Variants in SOX6 observed in about 807,000 individuals in gnomAD.
The protein encoded by SOX6 is SRY-box transcription factor 6.
SOX6 carries 11 observed loss-of-function variants against 97.8 expected under a neutral mutation model. The ratio of observed to expected loss-of-function variants is 0.11; its 90% confidence interval spans 0.07 to 0.19. The LOEUF (loss-of-function observed/expected upper bound fraction) is 0.19. Ranked by LOEUF, SOX6 falls within the 10% of genes least tolerant of loss-of-function variation. SOX6 has a pLI of 1.00. For synonymous variants in SOX6, 360 were observed against 371.4 expected (o/e 0.97, Z 0.35); for missense variants, 810 against 1,039.5 (o/e 0.78, Z 3.04).
At chr11:16,583,848 A>G (rs1034867095) in intron 4 of SOX6, among the ~76,000 whole-genome samples, 1 of 151,816 alleles carries the variant, frequency 6.6e-6, no homozygotes, top group Admixed American at 6.6e-5. Flanking sequence ...ACTGTTTTCC[A>G]TAATGGCTGT....
chr11:16,306,801 T>C (rs1855454930), intron 3 of SOX6, among the ~76,000 whole-genome samples: 1 of 151,854 alleles, frequency 6.6e-6, no homozygotes, highest in Admixed American at 6.6e-5. Flanking sequence ...AATTTTTGTA[T>C]ATTTAGTAGA....
intron 6 of SOX6, among the ~76,000 whole-genome samples, chr11:16,168,222 C>G (rs1240492697): frequency 6.6e-6 from 1 of 152,034 alleles, no homozygotes; most frequent in African/African-American, 2.4e-5. Flanking sequence ...GTAAATTAGA[C>G]TAGAATTGGC....
At chr11:16,490,669 A>G (rs934035548) in intron 4 of SOX6, among the ~76,000 whole-genome samples, 3 of 152,106 alleles carry the variant, frequency 2.0e-5, no homozygotes, top group Non-Finnish European at 2.9e-5. Flanking sequence ...AACAGTTCTA[A>G]CTTTATATAA....
intron 5 of SOX6, among the ~76,000 whole-genome samples, chr11:16,184,551 A>C (rs1851421399): frequency 6.6e-6 from 1 of 152,168 alleles, no homozygotes; most frequent in African/African-American, 2.4e-5. Flanking sequence ...TTATCCATTT[A>C]TCCTTTTGAG....
intron 4 of SOX6, among the ~76,000 whole-genome samples, chr11:16,488,143 C>T (rs968489810): frequency 6.6e-6 from 1 of 152,106 alleles, no homozygotes; most frequent in Non-Finnish European, 1.5e-5. Flanking sequence ...ATCTAAGAGT[C>T]CCAATTCCTA....
intron 3 of SOX6, among the ~76,000 whole-genome samples, chr11:16,711,449 G>A (rs941232737): frequency 1.3e-5 from 2 of 152,140 alleles, no homozygotes; most frequent in Non-Finnish European, 2.9e-5. Context: ...CTTGAGCCTC[G>A]GAGGTGGAAG....
intron 8 of SOX6, 148 bp downstream of exon 8, chr11:16,097,461 A>G: frequency 1.4e-6 from 1 of 715,712 alleles, no homozygotes; most frequent in Non-Finnish European, 2.5e-6. Flanking sequence ...TTCTATTTGC[A>G]TTACGATAAG....
At chr11:16,125,421 A>G (rs1727926153) in intron 6 of SOX6, among the ~76,000 whole-genome samples, 1 of 152,120 alleles carries the variant, frequency 6.6e-6, no homozygotes, top group Admixed American at 6.6e-5. Flanking sequence ...ACTGTTCATA[A>G]AGATCATAAA....
At chr11:16,013,469 G>A (rs183068259) in intron 13 of SOX6, among the ~76,000 whole-genome samples, 95 of 152,024 alleles carry the variant, frequency 6.2e-4, no homozygotes, top group Non-Finnish European at 2.2e-4. Flanking sequence ...AACCCTTATC[G>A]GTGGAAAACC....
At chr11:16,461,225 C>T (rs966848375) in intron 1 of SOX6, among the ~76,000 whole-genome samples, 3 of 152,002 alleles carry the variant, frequency 2.0e-5, no homozygotes, top group African/African-American at 7.3e-5. Context: ...TAACATATAC[C>T]CTTACCAGTC....
chr11:16,089,328 A>C (rs945856304), intron 9 of SOX6, among the ~76,000 whole-genome samples: 1 of 152,152 alleles, frequency 6.6e-6, no homozygotes, highest in Non-Finnish European at 1.5e-5. Context: ...AATTTGACTC[A>C]AGATGACTCT....
Position 16,185,048 on chromosome 11 carries a change from T to C in SOX6, c.709-1094A>G, listed in dbSNP as rs1226917417. 1.3e-5 allele frequency among the ~76,000 whole-genome samples: 2 copies of C among 152,184 alleles called. 1 individual carries two copies. Among genetic ancestry groups the C allele is most frequent in the East Asian group, 3.9e-4 (2 of 5,192 alleles). On this transcript the variant is annotated intron_variant, in intron 5 of 15. Coordinates refer to ENST00000683767, the MANE Select transcript of SOX6 (RefSeq NM_001367873.1). Reference sequence around the variant, plus strand: ...CAAGCTATATACTTCCCAAGCCTTTTTAATGTTTTAGCCTATGCAGGGGGT... The same window carrying C: ...CAAGCTATATACTTCCCAAGCCTTTCTAATGTTTTAGCCTATGCAGGGGGT...
At chr11:16,579,988 T>C (rs893163209) in intron 4 of SOX6, among the ~76,000 whole-genome samples, 29 of 152,178 alleles carry the variant, frequency 1.9e-4, no homozygotes, top group African/African-American at 6.8e-4. Flanking sequence ...CTAAATGCTC[T>C]ATTTGTTAAC....
intron 2 of SOX6, among the ~76,000 whole-genome samples, chr11:16,728,926 T>G (rs1053943467): frequency 6.6e-6 from 1 of 152,104 alleles, no homozygotes; most frequent in Non-Finnish European, 1.5e-5. Context: ...GAAAACTTCA[T>G]GAAGCATACA....
At chr11:16,079,352 A>C (rs895629130) in intron 9 of SOX6, among the ~76,000 whole-genome samples, 2 of 152,206 alleles carry the variant, frequency 1.3e-5, no homozygotes, top group African/African-American at 4.8e-5. Context: ...GGAAAGTATA[A>C]GATTATTCGA....
At chr11:16,697,295 C>G (rs996371821) in intron 3 of SOX6, among the ~76,000 whole-genome samples, 10 of 152,102 alleles carry the variant, frequency 6.6e-5, no homozygotes, top group Admixed American at 6.6e-4. Context: ...TCCCATGAAT[C>G]AAAATGTTCT....
intron 7 of SOX6, among the ~76,000 whole-genome samples, chr11:16,111,240 T>G (rs1179596726): frequency 6.6e-6 from 1 of 152,208 alleles, no homozygotes; most frequent in Non-Finnish European, 1.5e-5. Flanking sequence ...CTAAATCATC[T>G]TAAAACATAT....
At chr11:16,601,426 T>C (rs147610414) in intron 4 of SOX6, among the ~76,000 whole-genome samples, 2 of 152,282 alleles carry the variant, frequency 1.3e-5, no homozygotes, top group African/African-American at 4.8e-5. Context: ...ATCCCTAAAC[T>C]ATATTAAAAC....
At chr11:16,458,439 A>C (rs1167491625) in intron 1 of SOX6, among the ~76,000 whole-genome samples, 2 of 152,018 alleles carry the variant, frequency 1.3e-5, no homozygotes, top group African/African-American at 4.8e-5. Flanking sequence ...GTATGCAAAA[A>C]AGTAATATGG....
Sources: allele counts gnomAD v4.1 joint callset (sites outside exome capture counted in the v4.1 genomes callset), GRCh38; gene constraint gnomAD v4.1.1; transcripts MANE v1.5; gene names NCBI Gene and HGNC (gene_info 2026-07-23, HGNC 2026-07-21).